The following RSRC1 variants were observed in gnomAD, a reference collection of about 807,000 sequenced individuals.
The protein encoded by RSRC1 is serine/Arginine-related protein 53.
RSRC1 carries 39 observed loss-of-function variants against 49.1 expected under a neutral mutation model. The observed-to-expected ratio is 0.79, with a 90% CI of 0.61 to 1.04. The LOEUF (loss-of-function observed/expected upper bound fraction) is 1.04. Ranked by LOEUF, RSRC1 falls within the 50% of genes least tolerant of loss-of-function variation. RSRC1 has a pLI of 0.00. For missense variants in RSRC1, 388 were observed against 402.4 expected, an observed-to-expected ratio of 0.96 and a Z score of 0.31; for synonymous variants, 143 against 130.8, an observed-to-expected ratio of 1.09 and a Z score of -0.63.
At chr3:158,128,412 T>C (rs2108174876) in intron 3 of RSRC1, among the ~76,000 whole-genome samples, 1 of 152,304 alleles carries the variant, frequency 6.6e-6, no homozygotes, top group Non-Finnish European at 1.5e-5. Context: ...GGTTTGTATA[T>C]TGTTTTATCA....
At chr3:158,166,889 G>T (rs1718571622) in intron 3 of RSRC1, among the ~76,000 whole-genome samples, 1 of 152,106 alleles carries the variant, frequency 6.6e-6, no homozygotes, top group Non-Finnish European at 1.5e-5. Context: ...TAGATTGCTT[G>T]TTTACAATAA....
chr3:158,422,141 T>C (rs1197021002), intron 6 of RSRC1, among the ~76,000 whole-genome samples: 1 of 151,276 alleles, frequency 6.6e-6, no homozygotes, highest in Non-Finnish European at 1.5e-5. Context: ...TAGTTACATA[T>C]GTATACATGT....
At chr3:158,265,336 A>T (rs1725109216) in intron 4 of RSRC1, among the ~76,000 whole-genome samples, 1 of 152,100 alleles carries the variant, frequency 6.6e-6, no homozygotes, top group Admixed American at 6.5e-5. Flanking sequence ...TGCCCATTTA[A>T]AATTTTACTC....
intron 3 of RSRC1, among the ~76,000 whole-genome samples, chr3:158,131,291 C>G (rs149190830): frequency 1.3e-5 from 2 of 152,004 alleles, no homozygotes; most frequent in East Asian, 3.9e-4. Flanking sequence ...GTACCAATCA[C>G]TGCTGGTTTT....
chr3:158,154,106 A>AT (rs1172733004), intron 3 of RSRC1, among the ~76,000 whole-genome samples: 1 of 152,142 alleles, frequency 6.6e-6, no homozygotes, highest in East Asian at 1.9e-4. Flanking sequence ...AGTCATATGA[A>AT]TTTTTTTGTT....
rs1559952524 is a variant in RSRC1 at position 158,229,317 on chromosome 3, A to AT, written c.494+26072_494+26073insT. ...ACGTATATGTGTATGTATGTATATAAACATACACAGGTATATGTGTATGTA... is the reference window on the plus strand; with the variant it reads ...ACGTATATGTGTATGTATGTATATAATACATACACAGGTATATGTGTATGTA... On this transcript the variant is annotated intron_variant, in intron 4 of 9. Coordinates refer to ENST00000611884, the MANE Select transcript of RSRC1 (RefSeq NM_001271838.2). Among the ~76,000 whole-genome samples, 16 of 146,924 alleles carry AT rather than the reference A, an allele frequency of 1.1e-4. 1 individual carries two copies. Among genetic ancestry groups the AT allele is most frequent in the African/African-American group, 3.5e-4 (14 of 39,598 alleles).
At chr3:158,425,868 C>T (rs948984782) in intron 6 of RSRC1, among the ~76,000 whole-genome samples, 2 of 151,554 alleles carry the variant, frequency 1.3e-5, no homozygotes, top group Non-Finnish European at 3.0e-5. Context: ...AAGACAACTT[C>T]GAATGAGAAG....
At chr3:158,455,869 A>G (rs1737281311) in intron 6 of RSRC1, among the ~76,000 whole-genome samples, 2 of 151,036 alleles carry the variant, frequency 1.3e-5, no homozygotes, top group Non-Finnish European at 2.9e-5. Flanking sequence ...AATCCCAGCT[A>G]CTCGAGAGGC....
At chr3:158,360,099 T>G (rs1415283607) in intron 6 of RSRC1, among the ~76,000 whole-genome samples, 2 of 151,884 alleles carry the variant, frequency 1.3e-5, no homozygotes, top group Non-Finnish European at 2.9e-5. Context: ...GGAGTGGATG[T>G]CTTCCCTCTG....
chr3:158,191,037 C>T (rs777168837), intron 3 of RSRC1, among the ~76,000 whole-genome samples: 11 of 151,930 alleles, frequency 7.2e-5, no homozygotes, highest in Non-Finnish European at 1.6e-4. Flanking sequence ...ATTCTCCTGC[C>T]TCAGACTCTC....
chr3:158,294,169 A>G (rs750642815), intron 4 of RSRC1, among the ~76,000 whole-genome samples: 7 of 151,232 alleles, frequency 4.6e-5, no homozygotes, highest in South Asian at 2.1e-4. Context: ...TAACACTTCT[A>G]CTCCTGTTCT....
rs1039815146 is a variant in RSRC1, at chr3:158,122,848, C to T, written c.194+550C>T. ...TGCGGTGTTTGGTTTTTTGTCCTTG[C>T]GATAGTTTGCTGAGAATGATGGTTT... On this transcript the variant is annotated intron_variant, in intron 2 of 9. Transcript: ENST00000611884. 3.9e-5 allele frequency among the ~76,000 whole-genome samples: 6 copies of T among 151,904 alleles called. No homozygotes were observed. The East Asian group carries it at 5.8e-4, about 15-fold the overall frequency.
At chr3:158,461,772 AGAAGTT>A (rs1737626628) in intron 7 of RSRC1, among the ~76,000 whole-genome samples, 1 of 151,764 alleles carries the variant, frequency 6.6e-6, no homozygotes, top group South Asian at 2.1e-4. Context: ...TGAGCTTTTG[AGAAGTT>A]GAAGTCTGAT....
At chr3:158,439,104 C>T (rs1377318109) in intron 6 of RSRC1, among the ~76,000 whole-genome samples, 1 of 152,076 alleles carries the variant, frequency 6.6e-6, no homozygotes, top group African/African-American at 2.4e-5. Context: ...CAAATCAAAA[C>T]CACAATGAGA....
Position 158,264,029 on chromosome 3 carries a change from T to C in RSRC1, c.495-34010T>C, listed in dbSNP as rs149695172. On this transcript the variant is annotated intron_variant, in intron 4 of 9. Coordinates refer to ENST00000611884, the MANE Select transcript of RSRC1 (RefSeq NM_001271838.2). ...TTCTCTGTAATGTTTCTGCATTCTA[T>C]TTCATTTCTTTCCACTTTGAACTGT... Among the ~76,000 whole-genome samples the C allele has an allele frequency of 6.3e-3, 957 of 152,294 alleles. 9 individuals are homozygous for C. The highest frequency in any genetic ancestry group is 8.0e-3 in the Non-Finnish European group (542 of 68,016).
intron 4 of RSRC1, among the ~76,000 whole-genome samples, chr3:158,233,513 A>G (rs1334503441): frequency 6.6e-6 from 1 of 152,162 alleles, no homozygotes; most frequent in Non-Finnish European, 1.5e-5. Context: ...GTGTAGTATC[A>G]AAGTGAAAAG....
chr3:158,131,389 T>G (rs1716015523), intron 3 of RSRC1, among the ~76,000 whole-genome samples: 2 of 152,122 alleles, frequency 1.3e-5, no homozygotes, highest in South Asian at 4.1e-4. Context: ...ACTTATCTCT[T>G]GATTTTTTTG....
At chr3:158,172,840 G>A (rs1195976934) in intron 3 of RSRC1, among the ~76,000 whole-genome samples, 1 of 152,056 alleles carries the variant, frequency 6.6e-6, no homozygotes, top group Admixed American at 6.6e-5. Flanking sequence ...GCCTAATTTA[G>A]TAATGAAATA....
chr3:158,131,792 T>C (rs1259584971), intron 3 of RSRC1, among the ~76,000 whole-genome samples: 2 of 152,168 alleles, frequency 1.3e-5, no homozygotes, highest in East Asian at 3.8e-4. Flanking sequence ...AGATCAATTA[T>C]TGTATATTAG....
Sources: allele counts gnomAD v4.1 joint callset (sites outside exome capture counted in the v4.1 genomes callset), GRCh38; gene constraint gnomAD v4.1.1; transcripts MANE v1.5; gene names NCBI Gene and HGNC (gene_info 2026-07-23, HGNC 2026-07-21).